FHIP1A: variants seen among roughly 807,000 people sequenced by gnomAD.
FHIP1A encodes the protein FHF complex subunit HOOK interacting protein 1A, also known as FHF complex subunit HOOK-interacting protein 1A.
Under a neutral mutation model 88.6 loss-of-function variants are expected in FHIP1A, and 61 were observed. The observed-to-expected ratio is 0.69, with a 90% CI of 0.56 to 0.85. The LOEUF (loss-of-function observed/expected upper bound fraction) is 0.85, where lower values mean the gene tolerates loss of function less well. FHIP1A is among the 40% of genes least tolerant of loss of function. The pLI is 0.00. For synonymous variants in FHIP1A, 478 were observed against 496.0 expected, an observed-to-expected ratio of 0.96 and a Z score of 0.48; for missense variants, 1,154 against 1,273.5, an observed-to-expected ratio of 0.91 and a Z score of 1.43.
chr4:151,650,259 A>C lies in FHIP1A; in HGVS notation c.2218A>C (p.Asn740His). 6.4e-7 allele frequency: 1 copy of C among 1,551,746 alleles called. No homozygotes were observed. The highest frequency in any genetic ancestry group is 8.7e-7 in the Non-Finnish European group (1 of 1,146,998). The change falls in exon 11 of 14, where the codon AAC becomes CAC. Residue 740 changes from asparagine (N) to histidine (H), a missense_variant. Asn to His is a moderately conservative substitution (Grantham distance 68). Transcript: ENST00000435205. ...TGCCCCTGAGGCAGAGCACAGCTCT[A>C]ACCTGACAGCCGCCCACCCGGAGAG... ...SPAPEAEHSS[N>H]LTAAHPESEE...
chr4:151,655,730 A>G (rs1254125393), intron 11 of FHIP1A, among the ~76,000 whole-genome samples: 1 of 152,062 alleles, frequency 6.6e-6, no homozygotes, highest in Non-Finnish European at 1.5e-5. Context: ...CAGTGTTGCT[A>G]TTTGATAAAC....
At chr4:151,433,817 C>T (rs1733691186) in intron 1 of FHIP1A, among the ~76,000 whole-genome samples, 1 of 152,160 alleles carries the variant, frequency 6.6e-6, no homozygotes, top group Non-Finnish European at 1.5e-5. Flanking sequence ...GCTCAATCTA[C>T]TATGTCTCTT....
chr4:151,568,722 G>A (rs1409213292), intron 4 of FHIP1A, among the ~76,000 whole-genome samples: 1 of 152,144 alleles, frequency 6.6e-6, no homozygotes, highest in African/African-American at 2.4e-5. Flanking sequence ...ATTAAGTCAA[G>A]AGAAGGGGCT....
At chr4:151,500,916 T>A (rs1268163829) in intron 3 of FHIP1A, among the ~76,000 whole-genome samples, 1 of 152,242 alleles carries the variant, frequency 6.6e-6, no homozygotes, top group Non-Finnish European at 1.5e-5. Flanking sequence ...AAAGTATTTT[T>A]AGCTGACAAA....
At chr4:151,412,828 G>T (rs1478882108) in intron 1 of FHIP1A, among the ~76,000 whole-genome samples, 1 of 151,332 alleles carries the variant, frequency 6.6e-6, no homozygotes, top group Non-Finnish European at 1.5e-5. Context: ...AGGATTACAG[G>T]CAAGCACCAC....
At chr4:151,429,797 C>T (rs191606329) in intron 1 of FHIP1A, among the ~76,000 whole-genome samples, 3 of 146,538 alleles carry the variant, frequency 2.0e-5, no homozygotes, top group Non-Finnish European at 3.0e-5. Flanking sequence ...TGCAATGAGC[C>T]GAGATCGCAC....
At chr4:151,449,816 C>T (rs1464875052) in intron 1 of FHIP1A, among the ~76,000 whole-genome samples, 2 of 152,110 alleles carry the variant, frequency 1.3e-5, no homozygotes, top group Non-Finnish European at 2.9e-5. Context: ...TAAATAATGC[C>T]ACAAACTCGT....
At chr4:151,422,790 G>T (rs994522427) in intron 1 of FHIP1A, among the ~76,000 whole-genome samples, 2 of 152,192 alleles carry the variant, frequency 1.3e-5, no homozygotes, top group African/African-American at 2.4e-5. Flanking sequence ...TGCCCAGCTG[G>T]AATTGGAGAT....
Position 151,656,557 on chromosome 4 carries a change from G to T in FHIP1A, c.2730+147G>T. Reference sequence around the variant, plus strand: ...CCTGTCCTATTAAGCTCACTGTGTAGTTTATTCTAGACAAACTGTAGAGCT... The same window carrying T: ...CCTGTCCTATTAAGCTCACTGTGTATTTTATTCTAGACAAACTGTAGAGCT... On this transcript the variant is annotated intron_variant, in intron 12 of 13. Coordinates refer to ENST00000435205, the MANE Select transcript of FHIP1A (RefSeq NM_001109977.3). This position sits in a 1 kb window ranked among gnomAD's most constrained non-coding sequence, Gnocchi z 4.2. 9.8e-7 allele frequency: 1 copy of T among 1,019,934 alleles called. No individual in the cohort carries two copies. Among genetic ancestry groups the T allele is most frequent in the Non-Finnish European group, 1.4e-6 (1 of 707,358 alleles). 63.2% of individuals were successfully genotyped at this position (1,019,934 alleles called of 1,614,324 possible). A position where few individuals can be genotyped will look rare whatever the true frequency, so the allele number is the denominator to read the frequency against.
At chr4:151,612,215 C>T (rs1735349178) in intron 7 of FHIP1A, among the ~76,000 whole-genome samples, 1 of 151,764 alleles carries the variant, frequency 6.6e-6, no homozygotes, top group Admixed American at 6.6e-5. Context: ...TTCATTATTC[C>T]TTTCATGGCC....
At chr4:151,459,574 T>G (rs1450186275) in intron 2 of FHIP1A, among the ~76,000 whole-genome samples, 1 of 152,232 alleles carries the variant, frequency 6.6e-6, no homozygotes, top group Non-Finnish European at 1.5e-5. Flanking sequence ...ATCTGTAATA[T>G]CATTTAAGAA....
chr4:151,490,933 T>C (rs1730259580), intron 3 of FHIP1A, among the ~76,000 whole-genome samples: 1 of 151,888 alleles, frequency 6.6e-6, no homozygotes, highest in Admixed American at 6.6e-5. Flanking sequence ...ATTAACCATC[T>C]GACAAAGACT....
At position 151,662,839 on chromosome 4, in the gene FHIP1A, A is replaced by T; in HGVS notation, c.*85A>T. The T allele has an allele frequency of 8.1e-7, 1 of 1,232,596 alleles. No individual in the cohort carries two copies. Among genetic ancestry groups the T allele is most frequent in the East Asian group, 2.7e-5 (1 of 36,480 alleles). 76.4% of individuals were successfully genotyped at this position (1,232,596 alleles called of 1,614,324 possible). A position where few individuals can be genotyped will look rare whatever the true frequency, so the allele number is the denominator to read the frequency against. ...ATGTTAAATGCAAAGCTGCTTACAA[A>T]GATTTCTACTTTAATGTTTCCTGAC... On this transcript the variant is annotated 3_prime_UTR_variant, in exon 14 of 14. Coordinates refer to ENST00000435205, the MANE Select transcript of FHIP1A (RefSeq NM_001109977.3).
At chr4:151,471,300 A>T (rs1239450451) in intron 2 of FHIP1A, among the ~76,000 whole-genome samples, 73 of 133,104 alleles carry the variant, frequency 5.5e-4, no homozygotes, top group African/African-American at 1.8e-3. Flanking sequence ...TTTTTTTTTT[A>T]AACTTTAGCG....
chr4:151,433,124 G>A (rs903895693), intron 1 of FHIP1A, among the ~76,000 whole-genome samples: 21 of 152,128 alleles, frequency 1.4e-4, no homozygotes, highest in Non-Finnish European at 2.6e-4. Flanking sequence ...GCTTGCTTCA[G>A]GTGAGCAGAG....
intron 3 of FHIP1A, among the ~76,000 whole-genome samples, chr4:151,486,873 C>G (rs1730101163): frequency 6.6e-6 from 1 of 151,314 alleles, no homozygotes; most frequent in African/African-American, 2.4e-5. Flanking sequence ...GAGGCTGAGG[C>G]AGGAGAATCA....
intron 9 of FHIP1A, among the ~76,000 whole-genome samples, chr4:151,642,728 A>C (rs1402629386): frequency 1.3e-5 from 2 of 152,022 alleles, no homozygotes; most frequent in African/African-American, 4.8e-5. Context: ...CTTTGTTATC[A>C]ATTGATTGTC....
In FHIP1A at chr4:151,563,385, A is replaced by G. The variant is rs113928235; in HGVS notation, c.-122-2753A>G. Among the ~76,000 whole-genome samples, 436 of 152,282 alleles carry G rather than the reference A, an allele frequency of 2.9e-3. 2 individuals carry two copies. The highest frequency in any genetic ancestry group is 0.01 in the African/African-American group (423 of 41,558). ...ACTCCTTGGCATCTAAATGGTTTGT[A>G]GAGCTCTCTCTCAGGCATGAAATTT... On this transcript the variant is annotated intron_variant, in intron 3 of 13. Coordinates refer to ENST00000435205, the MANE Select transcript of FHIP1A (RefSeq NM_001109977.3).
At chr4:151,422,412 A>T (rs1251759379) in intron 1 of FHIP1A, among the ~76,000 whole-genome samples, 1 of 151,364 alleles carries the variant, frequency 6.6e-6, no homozygotes, top group East Asian at 1.9e-4. Flanking sequence ...TGAGAGAGAG[A>T]GTCTTGCTCC....
Sources: gnomAD v4.1 joint callset for allele counts (sites outside exome capture counted in the v4.1 genomes callset) on GRCh38, gnomAD v4.1.1 for gene constraint, Gnocchi (gnomAD v3.1) non-coding constraint, MANE v1.5 for transcripts, NCBI Gene and HGNC (gene_info 2026-07-23, HGNC 2026-07-21) for gene names.